The following BBS2 variants were observed in gnomAD, a reference collection of about 807,000 sequenced individuals.
BBS2 encodes BBSome complex member BBS2.
In BBS2, 62 loss-of-function variants were observed where a neutral mutation model predicts 83.0. The ratio of observed to expected loss-of-function variants is 0.75; its 90% CI spans 0.61 to 0.92. The LOEUF (loss-of-function observed/expected upper bound fraction) is 0.92, where lower values mean the gene tolerates loss of function less well. Among genes scored for constraint, BBS2 ranks in the 40% least tolerant of loss-of-function variants. BBS2 has a pLI of 0.00. For missense variants in BBS2, 784 were observed against 901.0 expected (o/e 0.87, Z 1.66); for synonymous variants, 303 against 326.1 (o/e 0.93, Z 0.76).
chr16:56,498,560 TACA>T lies in BBS2; in HGVS notation c.1533_1535del (p.Val512del). The T allele has an allele frequency of 1.2e-6, 2 of 1,614,082 alleles. No individual in the cohort carries two copies. Among genetic ancestry groups the T allele is most frequent in the Non-Finnish European group, 1.7e-6 (2 of 1,180,006 alleles). On this transcript the variant is annotated inframe_deletion, in exon 13 of 17. Coordinates refer to ENST00000245157, the MANE Select transcript of BBS2 (RefSeq NM_031885.5). ...GTAACAGAAAGTTCTGACCGAGCCA[TACA>T]ACAACCTTGAAAATGAACACAATGA...
At chr16:56,479,534 G>A (rs1963607606), downstream of BBS2, among the ~76,000 whole-genome samples, 2 of 152,164 alleles carry the variant, frequency 1.3e-5, no homozygotes. Context: ...CTCATTGTGA[G>A]GTAATAACAT....
chr16:56,510,731 G>T, intron 4 of BBS2, 128 bp downstream of exon 4: 1 of 911,250 alleles, frequency 1.1e-6, no homozygotes, highest in South Asian at 1.3e-5. Context: ...CCAACTGGCT[G>T]AGCATTTAGG....
Position 56,497,801 on chromosome 16 carries a change from A to T in BBS2, c.1739T>A (p.Leu580His), listed in dbSNP as rs1384048554. ...GACAGGAAAATCCGCTTCTACTTGA[A>T]GGTCTTCAATAGCAAAAAATGATGC... is the stretch of plus-strand genomic sequence containing the variant. ...SMASFFAIED[L>H]QVEADFPVYF... The change falls in exon 14 of 17, where the codon CTT (leucine) becomes CAT (histidine). Residue 580 changes from leucine (L) to histidine (H), a missense_variant. Physicochemically the swap from Leu to His is moderately conservative, Grantham distance 99. Coordinates refer to ENST00000245157, the MANE Select transcript of BBS2 (RefSeq NM_031885.5). 3 of 1,613,338 alleles carry T rather than the reference A, an allele frequency of 1.9e-6. No individual in the cohort carries two copies. Among genetic ancestry groups the T allele is most frequent in the African/African-American group, 1.3e-5 (1 of 74,878 alleles).
chr16:56,509,833 C>T, intron 5 of BBS2, 124 bp downstream of exon 5: 2 of 910,602 alleles, frequency 2.2e-6, no homozygotes, highest in Non-Finnish European at 1.8e-6. Flanking sequence ...TGACCCCCTC[C>T]CCAAGCTTTT....
chr16:56,505,961 A>G lies in BBS2; in HGVS notation c.793T>C (p.Ser265Pro), dbSNP rs761634081. The change falls in exon 7 of 17, where the codon TCC becomes CCC. Residue 265 changes from serine (S) to proline (P), a missense_variant. Ser to Pro is a moderately conservative substitution (Grantham distance 74). Transcript: ENST00000245157. ...DGVNELITGW[S>P]NGKVDARSDR... ...CTATTCAAACTTACCTTCCCATTGGACCAACCAGTTATCAGTTCATTCACT... is the reference window on the plus strand; with the variant it reads ...CTATTCAAACTTACCTTCCCATTGGGCCAACCAGTTATCAGTTCATTCACT... 6.2e-7 allele frequency: 1 copy of G among 1,613,690 alleles called. No individual in the cohort carries two copies. Among genetic ancestry groups the G allele is most frequent in the Non-Finnish European group, 8.5e-7 (1 of 1,179,702 alleles).
rs201369634 is a variant in BBS2 at position 56,507,574 on chromosome 16, G to GT, written c.613-1351dup. ...TCTATCAGCCAGGGATTCTCAAGTT[G>GT]TTTTTTTTTGGTGGTGGGGGAGGTT... On this transcript the variant is annotated intron_variant, in intron 5 of 16. Coordinates refer to ENST00000245157, the MANE Select transcript of BBS2 (RefSeq NM_031885.5). 6.1e-3 allele frequency among the ~76,000 whole-genome samples: 921 copies of GT among 151,006 alleles called. 11 individuals are homozygous for GT. Among genetic ancestry groups the GT allele is most frequent in the African/African-American group, 0.021 (846 of 41,186 alleles).
intron 7 of BBS2, among the ~76,000 whole-genome samples, chr16:56,503,598 A>T (rs149520439): frequency 3.3e-5 from 5 of 152,194 alleles, no homozygotes; most frequent in Admixed American, 6.5e-5. Context: ...GCATCTCAAA[A>T]GTGATAATAA....
At chr16:56,500,760 GCCC>G (rs1597015103) in intron 11 of BBS2, 91 bp downstream of exon 11, 1 of 1,311,216 alleles carries the variant, frequency 7.6e-7, no homozygotes, top group Non-Finnish European at 1.1e-6. Flanking sequence ...GGTTTCTCAG[GCCC>G]CCAAGAATCC....
intron 1 of BBS2, chr16:56,515,937 C>G (rs1345699935): frequency 6.6e-6 from 1 of 152,262 alleles, no homozygotes; most frequent in African/African-American, 2.4e-5. Flanking sequence ...CTCCAGCCAC[C>G]ACCACATCAC....
At chr16:56,503,518 T>A (rs1417120635) in intron 7 of BBS2, among the ~76,000 whole-genome samples, 1 of 152,124 alleles carries the variant, frequency 6.6e-6, no homozygotes, top group Admixed American at 6.5e-5. Context: ...TTTAGAGAGC[T>A]CTCCTATCCT....
chr16:56,499,735 T>C, intron 12 of BBS2, 43 bp downstream of exon 12: 2 of 1,612,638 alleles, frequency 1.2e-6, no homozygotes, highest in Non-Finnish European at 1.7e-6. Flanking sequence ...TCTAAAGGAT[T>C]CTACTGTGTA....
At chr16:56,509,826 C>T (rs1042768271) in intron 5 of BBS2, 131 bp downstream of exon 5, 2 of 827,350 alleles carry the variant, frequency 2.4e-6, no homozygotes, top group Non-Finnish European at 4.2e-6. Flanking sequence ...CTCTGTCTGA[C>T]CCCCTCCCCA....
At chr16:56,496,943 G>C (rs1250864667) in intron 15 of BBS2, 24 bp downstream of exon 15, 1 of 1,538,294 alleles carries the variant, frequency 6.5e-7, no homozygotes, top group Non-Finnish European at 9.0e-7. Context: ...CCCTGCACCT[G>C]TACTAACCAT....
At chr16:56,473,218 C>T (rs1412815001) in intron 17 of BBS2, among the ~76,000 whole-genome samples, 2 of 152,162 alleles carry the variant, frequency 1.3e-5, no homozygotes, top group Admixed American at 1.3e-4. Flanking sequence ...GAGTGAGCCA[C>T]CACGCCTGGC....
At chr16:56,476,096 G>A (rs1047700786) in intron 17 of BBS2, 4 of 1,613,766 alleles carry the variant, frequency 2.5e-6, no homozygotes, top group Non-Finnish European at 3.4e-6. Context: ...TACAGAGACA[G>A]AGAGACTCTG....
intron 15 of BBS2, among the ~76,000 whole-genome samples, chr16:56,490,114 A>T (rs916236392): frequency 3.8e-5 from 5 of 131,992 alleles, no homozygotes; most frequent in Admixed American, 7.7e-5. Context: ...ACCCTATCTC[A>T]CACACACACA....
At chr16:56,474,060 CAG>C (rs1370320810) in intron 17 of BBS2, among the ~76,000 whole-genome samples, 4 of 152,060 alleles carry the variant, frequency 2.6e-5, no homozygotes, top group African/African-American at 9.7e-5. Flanking sequence ...CTGCCTGCCT[CAG>C]AGGAGTACTA....
chr16:56,477,319 G>A (rs1963527190), intron 17 of BBS2: 3 of 152,148 alleles, frequency 2.0e-5, no homozygotes, highest in African/African-American at 7.2e-5. Flanking sequence ...GTACAGTGTA[G>A]GCTTAGTGTA....
chr16:56,489,457 A>G (rs1963876573), intron 15 of BBS2, among the ~76,000 whole-genome samples: 1 of 152,216 alleles, frequency 6.6e-6, no homozygotes, highest in African/African-American at 2.4e-5. Context: ...ATGATATATG[A>G]TAAGGGCAGT....
Sources: allele counts gnomAD v4.1 joint callset (sites outside exome capture counted in the v4.1 genomes callset), GRCh38; gene constraint gnomAD v4.1.1; transcripts MANE v1.5; gene names NCBI Gene and HGNC (gene_info 2026-07-23, HGNC 2026-07-21).